CEP78: variants seen among roughly 807,000 people sequenced by gnomAD.
The protein encoded by CEP78 is centrosomal protein 78.
Under a neutral mutation model 81.2 loss-of-function variants are expected in CEP78, and 76 were observed. That is an observed-to-expected ratio of 0.94 (90% CI 0.78 to 1.13). CEP78 has a LOEUF of 1.13. Among genes scored for constraint, CEP78 ranks in the 50% most tolerant of loss-of-function variants. The probability of loss-of-function intolerance (pLI) is 0.00; values close to 1 mark genes in which losing one functional copy is unlikely to be tolerated. For missense variants in CEP78, 918 were observed against 846.8 expected (o/e 1.08, Z -1.04); for synonymous variants, 293 against 301.4 (o/e 0.97, Z 0.29).
intron 11 of CEP78, among the ~76,000 whole-genome samples, chr9:78,258,240 G>A (rs1458435097): frequency 6.6e-6 from 1 of 152,170 alleles, no homozygotes; most frequent in Non-Finnish European, 1.5e-5. Context: ...CTTAAATTTA[G>A]AGTTGGATCA....
At chr9:78,239,661 C>G (rs1438873678) in intron 1 of CEP78, among the ~76,000 whole-genome samples, 3 of 152,314 alleles carry the variant, frequency 2.0e-5, no homozygotes, top group African/African-American at 7.2e-5. Flanking sequence ...CGGCTCTGGG[C>G]TTTAGTCGGA....
chr9:78,278,939 A>G lies in CEP78; in HGVS notation c.*8088A>G, dbSNP rs1587622736. The G allele has an allele frequency of 6.6e-6, 1 of 152,268 alleles. No homozygotes were observed. The highest frequency in any genetic ancestry group is 3.4e-3 in the Middle Eastern group (1 of 294). 9.4% of individuals were successfully genotyped at this position (152,268 alleles called of 1,614,324 possible). On this transcript the variant is annotated 3_prime_UTR_variant, in exon 17 of 17. Coordinates refer to ENST00000643273, the MANE Select transcript of CEP78 (RefSeq NM_001330691.3). ...AAAAATAAGAAGACTTTGCCCTGTG[A>G]CTGAGGTGCTCAGAAGGTATGGCTG...
chr9:78,240,229 G>C (rs748080978), intron 2 of CEP78, 34 bp downstream of exon 2: 47 of 1,612,742 alleles, frequency 2.9e-5, no homozygotes, highest in Non-Finnish European at 4.0e-5. Flanking sequence ...GTAGACATTT[G>C]ATAGTTGCTT....
chr9:78,237,512 A>C (rs530289722), intron 1 of CEP78, among the ~76,000 whole-genome samples: 1 of 152,320 alleles, frequency 6.6e-6, no homozygotes, highest in Admixed American at 6.5e-5. Context: ...AGGAAGGAAC[A>C]GTTTGTGCAA....
intron 1 of CEP78, among the ~76,000 whole-genome samples, chr9:78,237,645 T>C (rs1826018375): frequency 6.6e-6 from 1 of 152,160 alleles, no homozygotes; most frequent in South Asian, 2.1e-4. Context: ...GGTCCTCGTT[T>C]GTCCTGTCAT....
rs927992715 is a variant in CEP78 at position 78,273,155 on chromosome 9, T to C, written c.*2304T>C. ...ATCCACAATATAGCAAGATCAAGTT[T>C]TTTACTCATAATAAACATGAACAGG... On this transcript the variant is annotated 3_prime_UTR_variant, in exon 17 of 17. Transcript: ENST00000643273. 6.6e-6 allele frequency: 1 copy of C among 152,210 alleles called. No homozygotes were observed. The highest frequency in any genetic ancestry group is 1.5e-5 in the Non-Finnish European group (1 of 68,044). 9.4% of individuals were successfully genotyped at this position (152,210 alleles called of 1,614,324 possible).
chr9:78,273,826 A>G lies in CEP78; in HGVS notation c.*2975A>G, dbSNP rs778581824. The stretch of plus-strand genomic sequence containing the variant: ...GAAAAATGGCCAGCCAGTTATAACA[A>G]GAAGCTTTAAGACATCTCTTTTCAG... On this transcript the variant is annotated 3_prime_UTR_variant, in exon 17 of 17. Coordinates refer to ENST00000643273, the MANE Select transcript of CEP78 (RefSeq NM_001330691.3). 6.6e-6 allele frequency: 1 copy of G among 152,248 alleles called. No homozygotes were observed. Among genetic ancestry groups the G allele is most frequent in the African/African-American group, 2.4e-5 (1 of 41,462 alleles). The allele number at this position is 152,248 out of a possible 1,614,324, so 9.4% of individuals were successfully genotyped here. A position where few individuals can be genotyped will look rare whatever the true frequency, so the allele number is the denominator to read the frequency against.
At chr9:78,239,651 C>T (rs149096940) in intron 1 of CEP78, among the ~76,000 whole-genome samples, 1,635 of 152,304 alleles carry the variant, frequency 0.011, 13 homozygotes, top group Non-Finnish European at 0.012. Context: ...CTTCCGGCTA[C>T]GGCTCTGGGC....
At chr9:78,238,970 C>T (rs118036097) in intron 1 of CEP78, among the ~76,000 whole-genome samples, 6,710 of 151,930 alleles carry the variant, frequency 0.044, 257 homozygotes, top group Admixed American at 0.14. Flanking sequence ...GCCTGGGTGA[C>T]AGAGCAAGAC....
rs944306325 is a variant in CEP78, at chr9:78,272,012, C to T, written c.*1161C>T. 1 of 152,126 alleles carries T rather than the reference C, an allele frequency of 6.6e-6. No homozygotes were observed. The highest frequency in any genetic ancestry group is 1.5e-5 in the Non-Finnish European group (1 of 68,116). 9.4% of individuals were successfully genotyped at this position (152,126 alleles called of 1,614,324 possible). On this transcript the variant is annotated 3_prime_UTR_variant, in exon 17 of 17. Transcript: ENST00000643273. ...CCTCCTCGATCTCAGCTCACTGCAA[C>T]CGTGAAGTGATCTTCCTGCCTCAGC...
At position 78,236,176 on chromosome 9, in the gene CEP78, A is replaced by G. The variant is rs569029870; in HGVS notation, c.-175A>G. On this transcript the variant is annotated 5_prime_UTR_variant, in exon 1 of 17. The change abolishes the stop of an existing upstream ORF in the 5' untranslated region. Coordinates refer to ENST00000643273, the MANE Select transcript of CEP78 (RefSeq NM_001330691.3). ...GAGTGGGGCGTTGAGGGGCCGGCCT[A>G]GCTTGGGGCTCTGGCCTTGCGTCTT... 2.4e-3 allele frequency: 1,426 copies of G among 605,114 alleles called. 7 individuals carry two copies. The highest frequency in any genetic ancestry group is 2.9e-3 in the Non-Finnish European group (1,040 of 357,732). The allele number at this position is 605,114 out of a possible 1,614,324, so 37.5% of individuals were successfully genotyped here. A position where few individuals can be genotyped will look rare whatever the true frequency, so the allele number is the denominator to read the frequency against.
At chr9:78,241,129 A>G (rs1031001696) in intron 3 of CEP78, among the ~76,000 whole-genome samples, 1 of 152,156 alleles carries the variant, frequency 6.6e-6, no homozygotes, top group Non-Finnish European at 1.5e-5. Flanking sequence ...GGAAATAGTC[A>G]CAGAAGGTGA....
chr9:78,256,465 C>G (rs926286685), intron 11 of CEP78, among the ~76,000 whole-genome samples: 1 of 151,976 alleles, frequency 6.6e-6, no homozygotes, highest in Admixed American at 6.6e-5. Context: ...TACTGGCTAC[C>G]CACTTCTTCA....
intron 16 of CEP78, among the ~76,000 whole-genome samples, chr9:78,270,432 C>A (rs1217668121): frequency 1.3e-5 from 2 of 152,102 alleles, no homozygotes; most frequent in African/African-American, 4.8e-5. Context: ...ATGGTATTTT[C>A]ATTTGGTTTA....
rs548722515 is a variant in CEP78, at chr9:78,236,103, A to G, written c.-248A>G. On this transcript the variant is annotated 5_prime_UTR_variant, in exon 1 of 17. An upstream start codon of the reference 5' UTR is lost. Coordinates refer to ENST00000643273, the MANE Select transcript of CEP78 (RefSeq NM_001330691.3). ...TTGAATCCCGGCGCCTCAGAGGACT[A>G]TGAGGCGGGCGCCAACTGCTTGGGC... The G allele has an allele frequency of 3.1e-4, 161 of 519,934 alleles. No individual in the cohort carries two copies. Among genetic ancestry groups the G allele is most frequent in the African/African-American group, 3.1e-3 (149 of 48,580 alleles). The allele number at this position is 519,934 out of a possible 1,614,324, so 32.2% of individuals were successfully genotyped here.
At chr9:78,260,750 C>G (rs1409802440) in intron 11 of CEP78, among the ~76,000 whole-genome samples, 1 of 150,564 alleles carries the variant, frequency 6.6e-6, no homozygotes, top group Non-Finnish European at 1.5e-5. Flanking sequence ...TTCTCTGATT[C>G]AGTGTTAAAT....
chr9:78,242,661 T>C (rs1826290382), intron 4 of CEP78, among the ~76,000 whole-genome samples: 1 of 152,224 alleles, frequency 6.6e-6, no homozygotes, highest in South Asian at 2.1e-4. Context: ...ACACTGACAG[T>C]TTTCATTTGA....
At chr9:78,253,439 C>A in intron 10 of CEP78, 162 bp downstream of exon 10, 2 of 565,636 alleles carry the variant, frequency 3.5e-6, no homozygotes, top group South Asian at 4.5e-5. Context: ...ACAGTATAGG[C>A]GTGTGGATAT....
chr9:78,258,272 T>C (rs1352880191), intron 11 of CEP78, among the ~76,000 whole-genome samples: 2 of 152,194 alleles, frequency 1.3e-5, no homozygotes, highest in Non-Finnish European at 2.9e-5. Context: ...TTAAGCTTTC[T>C]GCCTGTTCTC....
Sources: gnomAD v4.1 joint callset for allele counts (sites outside exome capture counted in the v4.1 genomes callset) on GRCh38, gnomAD v4.1.1 for gene constraint, MANE v1.5 for transcripts, NCBI Gene and HGNC (gene_info 2026-07-23, HGNC 2026-07-21) for gene names.